The following LRP1B variants were observed in gnomAD, a reference collection of about 807,000 sequenced individuals.
LRP1B encodes LDL receptor related protein 1B.
LRP1B carries 217 observed loss-of-function variants against 556.6 expected under a neutral mutation model. The ratio of observed to expected loss-of-function variants is 0.39; its 90% CI spans 0.35 to 0.44. The LOEUF (loss-of-function observed/expected upper bound fraction) is 0.44, where lower values mean the gene tolerates loss of function less well. Ranked by LOEUF, LRP1B falls within the 20% of genes least tolerant of loss-of-function variation. The pLI, the probability that LRP1B is intolerant of heterozygous loss-of-function variation, is 1.00. For synonymous variants in LRP1B, 2,047 were observed against 1,865.8 expected, an observed-to-expected ratio of 1.10 and a Z score of -2.50; for missense variants, 5,053 against 5,620.8, an observed-to-expected ratio of 0.90 and a Z score of 3.23.
intron 22 of LRP1B, among the ~76,000 whole-genome samples, chr2:140,904,679 GA>G (rs949527446): frequency 1.3e-5 from 2 of 151,750 alleles, no homozygotes; most frequent in African/African-American, 2.4e-5. Flanking sequence ...TTATTTTGAA[GA>G]AAAAAAATAG....
At chr2:140,490,641 A>G (rs1317969785) in intron 57 of LRP1B, among the ~76,000 whole-genome samples, 2 of 152,148 alleles carry the variant, frequency 1.3e-5, no homozygotes, top group Non-Finnish European at 2.9e-5. Flanking sequence ...CTGGACAAAG[A>G]TAATGGTTTC....
chr2:141,143,439 A>G (rs1280141246), intron 7 of LRP1B, among the ~76,000 whole-genome samples: 2 of 152,060 alleles, frequency 1.3e-5, no homozygotes, highest in African/African-American at 4.8e-5. Flanking sequence ...CATTCTCTGA[A>G]ATAATCTGGT....
At position 140,323,984 on chromosome 2, in the gene LRP1B, T is replaced by C. The variant is rs1573791324; in HGVS notation, c.12423A>G (p.Gln4141=). 1 of 1,608,774 alleles carries C rather than the reference T, an allele frequency of 6.2e-7. No individual in the cohort carries two copies. The highest frequency in any genetic ancestry group is 8.5e-7 in the Non-Finnish European group (1 of 1,175,696). The part of the protein sequence containing the change: ...AGPKNGVFRV[Q]KFGHGSVEYL... ...ACTCTACTGAACCATGGCCAAATTT[T>C]TGAACTCGAAATACACCATTTTTAG... The change falls in exon 81 of 91, where the codon CAA becomes CAG. Residue 4141 remains glutamine (Q), a synonymous_variant. Coordinates refer to ENST00000389484, the MANE Select transcript of LRP1B (RefSeq NM_018557.3).
At chr2:141,795,745 A>G (rs914137808) in intron 2 of LRP1B, among the ~76,000 whole-genome samples, 3 of 150,198 alleles carry the variant, frequency 2.0e-5, no homozygotes, top group Admixed American at 1.3e-4. Context: ...TTTTATTTTT[A>G]TTTTTTCTTC....
At chr2:141,476,222 A>G (rs1042335096) in intron 3 of LRP1B, among the ~76,000 whole-genome samples, 2 of 151,998 alleles carry the variant, frequency 1.3e-5, no homozygotes, top group South Asian at 2.1e-4. Flanking sequence ...GAGTCAGGGA[A>G]CTCTCCTGTT....
chr2:142,047,099 G>T lies in LRP1B; in HGVS notation c.82+83549C>A, dbSNP rs145850072. The stretch of plus-strand genomic sequence containing the variant: ...CTTTGTATGGAGATGGATCCTTTTT[G>T]GTGTAAATCTTAATCGTGGAAATTG... On this transcript the variant is annotated intron_variant, in intron 1 of 90. Coordinates refer to ENST00000389484, the MANE Select transcript of LRP1B (RefSeq NM_018557.3). Among the ~76,000 whole-genome samples, 13 of 152,000 alleles carry T rather than the reference G, an allele frequency of 8.6e-5. No individual in the cohort carries two copies. The East Asian group carries it at 2.3e-3, about 27-fold the overall frequency.
Position 141,410,896 on chromosome 2 carries a change from A to G in LRP1B, c.343+69500T>C, listed in dbSNP as rs552758870. ...TGTAACACAATGATAATATATTTCA[A>G]TTTGGGTATGGTGCTCCTATTCTTG... On this transcript the variant is annotated intron_variant, in intron 3 of 90. Transcript: ENST00000389484. Among the ~76,000 whole-genome samples, 3 of 152,118 alleles carry G rather than the reference A, an allele frequency of 2.0e-5. No homozygotes were observed. In the East Asian group the frequency reaches 5.8e-4, roughly 29 times the overall value.
chr2:140,878,153 G>A (rs1004519205), intron 25 of LRP1B, among the ~76,000 whole-genome samples: 1 of 152,104 alleles, frequency 6.6e-6, no homozygotes, highest in African/African-American at 2.4e-5. Flanking sequence ...GCTAGATAAT[G>A]GGTACAAGAG....
At chr2:141,467,277 A>G (rs1421053963) in intron 3 of LRP1B, among the ~76,000 whole-genome samples, 1 of 151,878 alleles carries the variant, frequency 6.6e-6, no homozygotes, top group African/African-American at 2.4e-5. Flanking sequence ...GTTAGTAAGT[A>G]CCGATGGTTT....
chr2:140,449,013 T>A (rs1403493626), intron 63 of LRP1B, among the ~76,000 whole-genome samples: 1 of 152,104 alleles, frequency 6.6e-6, no homozygotes, highest in Non-Finnish European at 1.5e-5. Flanking sequence ...GATGACCATA[T>A]ATTCTGAAAG....
chr2:142,086,640 C>CAAACAA (rs1366239561), intron 1 of LRP1B, among the ~76,000 whole-genome samples: 48 of 147,748 alleles, frequency 3.2e-4, no homozygotes, highest in African/African-American at 1.1e-3. Flanking sequence ...AACAAACAAA[C>CAAACAA]AAAAAAAAAA....
intron 1 of LRP1B, among the ~76,000 whole-genome samples, chr2:142,035,701 C>A (rs1056472462): frequency 1.3e-5 from 2 of 151,548 alleles, no homozygotes; most frequent in Non-Finnish European, 3.0e-5. Context: ...CCTTTCACTC[C>A]TTACTCTGAA....
intron 1 of LRP1B, among the ~76,000 whole-genome samples, chr2:142,052,620 C>A (rs765062323): frequency 6.6e-6 from 1 of 152,122 alleles, no homozygotes; most frequent in Admixed American, 6.6e-5. Flanking sequence ...CGTGTAATGG[C>A]TGATGTCCAG....
At chr2:141,073,496 A>G (rs191464328) in intron 7 of LRP1B, among the ~76,000 whole-genome samples, 58 of 151,884 alleles carry the variant, frequency 3.8e-4, no homozygotes, top group Non-Finnish European at 6.9e-4. Context: ...TAATCTTAGA[A>G]CTCTCTCATA....
intron 41 of LRP1B, among the ~76,000 whole-genome samples, chr2:140,622,570 C>T (rs1188562613): frequency 6.6e-6 from 1 of 152,080 alleles, no homozygotes; most frequent in Non-Finnish European, 1.5e-5. Flanking sequence ...TATAAAACAT[C>T]TGAGGAAATG....
chr2:140,407,967 GCATA>G (rs889335484), intron 66 of LRP1B, among the ~76,000 whole-genome samples: 6 of 151,730 alleles, frequency 4.0e-5, no homozygotes, highest in Non-Finnish European at 5.9e-5. Flanking sequence ...AAAAAATATG[GCATA>G]TATATACCAT....
chr2:141,245,001 T>G (rs1363206522), intron 5 of LRP1B, among the ~76,000 whole-genome samples: 1 of 152,164 alleles, frequency 6.6e-6, no homozygotes, highest in Non-Finnish European at 1.5e-5. Context: ...CTTTTTCTGG[T>G]TGCATTCTAT....
chr2:140,757,350 C>T (rs908830360), intron 35 of LRP1B, among the ~76,000 whole-genome samples: 14 of 152,122 alleles, frequency 9.2e-5, no homozygotes, highest in African/African-American at 2.4e-4. Flanking sequence ...CATCAATGAT[C>T]CTAGCAGCTT....
intron 43 of LRP1B, among the ~76,000 whole-genome samples, chr2:140,563,119 A>G (rs1680993369): frequency 6.6e-6 from 1 of 151,978 alleles, no homozygotes; most frequent in Non-Finnish European, 1.5e-5. Flanking sequence ...ATAGAACTCA[A>G]AGTTTCCCAT....
Sources: allele counts gnomAD v4.1 joint callset (sites outside exome capture counted in the v4.1 genomes callset), GRCh38; gene constraint gnomAD v4.1.1; transcripts MANE v1.5; gene names NCBI Gene and HGNC (gene_info 2026-07-23, HGNC 2026-07-21).